Variants in ALMS1 observed in about 807,000 individuals in gnomAD.
ALMS1 encodes centrosome-associated protein ALMS1.
Under a neutral mutation model 352.2 loss-of-function variants are expected in ALMS1, and 271 were observed. The observed-to-expected ratio is 0.77, with a 90% CI of 0.70 to 0.85. The LOEUF (loss-of-function observed/expected upper bound fraction) is 0.85. ALMS1 is among the 40% of genes least tolerant of loss of function. The probability of loss-of-function intolerance (pLI) is 0.00; values close to 1 mark genes in which losing one functional copy is unlikely to be tolerated. For missense variants in ALMS1, 5,445 were observed against 4,870.7 expected, an observed-to-expected ratio of 1.12 and a Z score of -3.51; for synonymous variants, 1,865 against 1,761.2, an observed-to-expected ratio of 1.06 and a Z score of -1.48.
At chr2:73,551,491 C>T (rs775415889) in intron 13 of ALMS1, among the ~76,000 whole-genome samples, 3 of 126,456 alleles carry the variant, frequency 2.4e-5, no homozygotes, top group Non-Finnish European at 3.1e-5. Flanking sequence ...GGGTGGAGTG[C>T]GATGGCGCGA....
intron 1 of ALMS1, among the ~76,000 whole-genome samples, chr2:73,398,160 T>C (rs1440043462): frequency 6.6e-6 from 1 of 152,242 alleles, no homozygotes; most frequent in Non-Finnish European, 1.5e-5. Flanking sequence ...AATTTTTGTG[T>C]GTGAAGGATG....
intron 12 of ALMS1, among the ~76,000 whole-genome samples, chr2:73,539,891 C>T (rs1674127885): frequency 6.6e-6 from 1 of 152,148 alleles, no homozygotes; most frequent in Admixed American, 6.5e-5. Context: ...AAATCTACGT[C>T]TGATTGGTGT....
intron 12 of ALMS1, among the ~76,000 whole-genome samples, chr2:73,543,305 C>T (rs1383593845): frequency 2.6e-5 from 4 of 152,180 alleles, no homozygotes; most frequent in Non-Finnish European, 4.4e-5. Flanking sequence ...GGAAAGCTGC[C>T]TAGCCATATG....
At chr2:73,459,787 C>G (rs1161306690) in intron 9 of ALMS1, among the ~76,000 whole-genome samples, 1 of 152,118 alleles carries the variant, frequency 6.6e-6, no homozygotes, top group African/African-American at 2.4e-5. Flanking sequence ...TAGAGCTGTC[C>G]ATTTCTCCAA....
rs201837260 is a variant in ALMS1, at chr2:73,493,047, C to A, written c.9539+1549C>A. Among the ~76,000 whole-genome samples, 8 of 151,056 alleles carry A rather than the reference C, an allele frequency of 5.3e-5. No individual in the cohort carries two copies. In the East Asian group the frequency reaches 9.7e-4, roughly 18 times the overall value. On this transcript the variant is annotated intron_variant, in intron 10 of 22. Transcript: ENST00000613296. Reference sequence around the variant, plus strand: ...TTTTAAACTCTTCAAAGGTTAAATGCTAAGGTATTGTACTGAATACCTTAA... The same window carrying A: ...TTTTAAACTCTTCAAAGGTTAAATGATAAGGTATTGTACTGAATACCTTAA...
intron 11 of ALMS1, among the ~76,000 whole-genome samples, chr2:73,522,292 A>G (rs1273129864): frequency 2.6e-5 from 4 of 152,318 alleles, no homozygotes; most frequent in Admixed American, 1.3e-4. Flanking sequence ...AGCCATTGCT[A>G]TCAAGCTTAA....
At position 73,448,160 on chromosome 2, in the gene ALMS1, A is replaced by T; in HGVS notation, c.1633A>T (p.Thr545Ser). 1 of 1,614,024 alleles carries T rather than the reference A, an allele frequency of 6.2e-7. No homozygotes were observed. ...DTLNQKTLAD[T>S]HLTEETLKVT... Reference sequence around the variant, plus strand: ...TCTCAACCAAAAGACATTAGCAGATACTCATCTAACTGAAGAGACTCTGAA... The same window carrying T: ...TCTCAACCAAAAGACATTAGCAGATTCTCATCTAACTGAAGAGACTCTGAA... Residue 545 changes from threonine (T) to serine (S), a missense_variant, in exon 8 of 23, where the codon ACT becomes TCT. Thr to Ser is a moderately conservative substitution (Grantham distance 58). Transcript: ENST00000613296.
intron 1 of ALMS1, among the ~76,000 whole-genome samples, chr2:73,396,301 A>AAT (rs1553397516): frequency 7.2e-6 from 1 of 139,146 alleles, no homozygotes; most frequent in Non-Finnish European, 1.5e-5. Context: ...CTGTCATAGA[A>AAT]ATACACACAC....
intron 15 of ALMS1, among the ~76,000 whole-genome samples, chr2:73,559,366 A>G (rs1316878755): frequency 1.3e-5 from 2 of 152,106 alleles, no homozygotes; most frequent in Non-Finnish European, 2.9e-5. Flanking sequence ...TGGAAAAGAT[A>G]TTAGCAACTT....
chr2:73,461,886 G>A (rs552361243), intron 9 of ALMS1, among the ~76,000 whole-genome samples: 165 of 152,194 alleles, frequency 1.1e-3, no homozygotes, highest in East Asian at 9.1e-3. Context: ...GAAATGAAGC[G>A]AGAAGGGAAG....
At chr2:73,562,438 T>G (rs1031919456) in intron 15 of ALMS1, among the ~76,000 whole-genome samples, 3 of 152,012 alleles carry the variant, frequency 2.0e-5, no homozygotes, top group Non-Finnish European at 4.4e-5. Context: ...AGAAAAAGAA[T>G]GAATCATGCA....
At chr2:73,580,033 T>C (rs1675141442) in intron 16 of ALMS1, among the ~76,000 whole-genome samples, 1 of 152,198 alleles carries the variant, frequency 6.6e-6, no homozygotes, top group East Asian at 1.9e-4. Flanking sequence ...TTTGATGGTA[T>C]CCTACAAGTC....
intron 7 of ALMS1, among the ~76,000 whole-genome samples, chr2:73,436,624 T>A (rs1671608868): frequency 6.6e-6 from 1 of 152,222 alleles, no homozygotes; most frequent in Non-Finnish European, 1.5e-5. Flanking sequence ...TTTATCTTGA[T>A]GTTTGCTGAT....
chr2:73,402,723 C>T (rs1670897863), intron 1 of ALMS1, among the ~76,000 whole-genome samples: 1 of 152,156 alleles, frequency 6.6e-6, no homozygotes, highest in African/African-American at 2.4e-5. Flanking sequence ...GCCATCCTAA[C>T]AAGTGTGAGA....
At chr2:73,595,407 C>G (rs146108347) in intron 16 of ALMS1, among the ~76,000 whole-genome samples, 28 of 152,284 alleles carry the variant, frequency 1.8e-4, no homozygotes, top group Admixed American at 4.6e-4. Context: ...CAGATGTGGT[C>G]TTTTGCATCT....
intron 11 of ALMS1, among the ~76,000 whole-genome samples, chr2:73,530,710 G>T (rs538345705): frequency 1.3e-5 from 2 of 152,322 alleles, no homozygotes; most frequent in South Asian, 2.1e-4. Flanking sequence ...TGAGTGCTCT[G>T]CCCCTGCAGC....
intron 12 of ALMS1, among the ~76,000 whole-genome samples, chr2:73,537,113 A>C (rs1370188909): frequency 6.6e-6 from 1 of 152,228 alleles, no homozygotes; most frequent in Admixed American, 6.5e-5. Context: ...GGAGCCATCC[A>C]GTGCTAAAGG....
chr2:73,475,897 GATAAA>G (rs994012701), intron 9 of ALMS1, among the ~76,000 whole-genome samples: 1 of 152,028 alleles, frequency 6.6e-6, no homozygotes, highest in African/African-American at 2.4e-5. Context: ...TTTTAATTGT[GATAAA>G]ATATACATAA....
chr2:73,517,956 C>G (rs1052476463), intron 10 of ALMS1, among the ~76,000 whole-genome samples: 4 of 152,126 alleles, frequency 2.6e-5, no homozygotes, highest in Non-Finnish European at 4.4e-5. Flanking sequence ...CCACGCCTGA[C>G]CTATTTTTTA....
Sources: allele counts gnomAD v4.1 joint callset (sites outside exome capture counted in the v4.1 genomes callset), GRCh38; gene constraint gnomAD v4.1.1; transcripts MANE v1.5; gene names NCBI Gene and HGNC (gene_info 2026-07-23, HGNC 2026-07-21).